Variants in LSAMP observed in about 807,000 individuals in gnomAD.
LSAMP encodes limbic system associated membrane protein.
In LSAMP, 7 loss-of-function variants were observed where a neutral mutation model predicts 38.6. The observed-to-expected ratio is 0.18, with a 90% CI of 0.10 to 0.34. The LOEUF (loss-of-function observed/expected upper bound fraction) is 0.34, where lower values mean the gene tolerates loss of function less well. Ranked by LOEUF, LSAMP falls within the 10% of genes least tolerant of loss-of-function variation. The probability of loss-of-function intolerance (pLI) is 1.00; values close to 1 mark genes in which losing one functional copy is unlikely to be tolerated. For missense variants in LSAMP, 313 were observed against 420.0 expected, an observed-to-expected ratio of 0.75 and a Z score of 2.23; for synonymous variants, 154 against 166.8, an observed-to-expected ratio of 0.92 and a Z score of 0.59.
intron 1 of LSAMP, among the ~76,000 whole-genome samples, chr3:116,381,067 T>C (rs1343610007): frequency 6.6e-6 from 1 of 152,092 alleles, no homozygotes; most frequent in Non-Finnish European, 1.5e-5. Flanking sequence ...AAGAGGTATT[T>C]ATTTTAAAAG....
intron 2 of LSAMP, among the ~76,000 whole-genome samples, chr3:116,070,128 T>C (rs754217845): frequency 6.6e-6 from 1 of 152,170 alleles, no homozygotes; most frequent in Non-Finnish European, 1.5e-5. Context: ...TTATTCATAG[T>C]GTGCTTAAAT....
At chr3:116,216,636 G>A (rs1381388960) in intron 1 of LSAMP, among the ~76,000 whole-genome samples, 1 of 151,454 alleles carries the variant, frequency 6.6e-6, no homozygotes, top group Non-Finnish European at 1.5e-5. Flanking sequence ...AACTGTTTAG[G>A]AAAAAAAACT....
At chr3:116,234,835 C>G (rs2107632002) in intron 1 of LSAMP, among the ~76,000 whole-genome samples, 1 of 152,090 alleles carries the variant, frequency 6.6e-6, no homozygotes, top group South Asian at 2.1e-4. Flanking sequence ...AATGTACCTC[C>G]CAAAATTATA....
intron 1 of LSAMP, among the ~76,000 whole-genome samples, chr3:116,152,311 T>G (rs1709631083): frequency 6.6e-6 from 1 of 152,148 alleles, no homozygotes; most frequent in Non-Finnish European, 1.5e-5. Context: ...TCATTTCTGA[T>G]AATCACCTAA....
intron 3 of LSAMP, among the ~76,000 whole-genome samples, chr3:115,855,767 G>T (rs890564416): frequency 1.3e-5 from 2 of 152,016 alleles, no homozygotes; most frequent in African/African-American, 4.8e-5. Flanking sequence ...TCAACCCAAG[G>T]GTCCTGCCAA....
intron 1 of LSAMP, among the ~76,000 whole-genome samples, chr3:116,403,148 T>C (rs1292614583): frequency 1.3e-5 from 2 of 152,214 alleles, no homozygotes; most frequent in African/African-American, 4.8e-5. Flanking sequence ...GTGGATTTTT[T>C]GAAAGTGAAA....
At chr3:115,938,050 T>A (rs753763639) in intron 3 of LSAMP, among the ~76,000 whole-genome samples, 12 of 152,224 alleles carry the variant, frequency 7.9e-5, no homozygotes, top group Non-Finnish European at 1.2e-4. Flanking sequence ...AGTACTCTTG[T>A]ATTGAATGTG....
intron 1 of LSAMP, among the ~76,000 whole-genome samples, chr3:116,353,480 C>G (rs756923086): frequency 6.6e-6 from 1 of 152,070 alleles, no homozygotes; most frequent in Non-Finnish European, 1.5e-5. Flanking sequence ...CCATGCACTT[C>G]TTGAAGACAG....
chr3:115,859,639 A>G (rs370889808), intron 3 of LSAMP, among the ~76,000 whole-genome samples: 1 of 152,230 alleles, frequency 6.6e-6, no homozygotes, highest in Non-Finnish European at 1.5e-5. Flanking sequence ...TGACAAGAAC[A>G]ATGCCAGGGA....
chr3:116,261,139 G>A (rs995886439), intron 1 of LSAMP, among the ~76,000 whole-genome samples: 21 of 152,220 alleles, frequency 1.4e-4, no homozygotes, highest in Non-Finnish European at 5.9e-5. Context: ...TATAGCACTC[G>A]TAGATAGTGA....
intron 1 of LSAMP, among the ~76,000 whole-genome samples, chr3:116,239,846 A>AT (rs1192266971): frequency 6.6e-6 from 1 of 152,022 alleles, no homozygotes; most frequent in Non-Finnish European, 1.5e-5. Flanking sequence ...GGGTAGATCA[A>AT]TTTTTTATTG....
At chr3:116,221,851 G>GTA (rs2046289946) in intron 1 of LSAMP, among the ~76,000 whole-genome samples, 1 of 150,964 alleles carries the variant, frequency 6.6e-6, no homozygotes, top group Non-Finnish European at 1.5e-5. Flanking sequence ...AGAAGTGTGT[G>GTA]TGTGTGTGTG....
intron 1 of LSAMP, among the ~76,000 whole-genome samples, chr3:116,310,983 C>T (rs2047551219): frequency 6.7e-6 from 1 of 150,114 alleles, no homozygotes; most frequent in Non-Finnish European, 1.5e-5. Context: ...ACTAGGTTAC[C>T]TGAAAGATCA....
At chr3:116,415,630 G>A (rs1576206895) in intron 1 of LSAMP, among the ~76,000 whole-genome samples, 1 of 152,096 alleles carries the variant, frequency 6.6e-6, no homozygotes, top group Admixed American at 6.6e-5. Flanking sequence ...CTCAAGTTAG[G>A]TGTATAGATG....
At chr3:115,975,507 T>A (rs930783306) in intron 3 of LSAMP, among the ~76,000 whole-genome samples, 1 of 152,136 alleles carries the variant, frequency 6.6e-6, no homozygotes, top group African/African-American at 2.4e-5. Flanking sequence ...TTCTGAGAAA[T>A]CAGTTTCAAT....
intron 2 of LSAMP, among the ~76,000 whole-genome samples, chr3:116,080,166 C>T (rs998230829): frequency 6.6e-6 from 1 of 152,164 alleles, no homozygotes; most frequent in African/African-American, 2.4e-5. Flanking sequence ...TCCACATCTT[C>T]CTAATAACTC....
At chr3:116,073,907 C>T (rs1262874074) in intron 2 of LSAMP, among the ~76,000 whole-genome samples, 2 of 152,142 alleles carry the variant, frequency 1.3e-5, no homozygotes, top group Non-Finnish European at 2.9e-5. Flanking sequence ...CAACCCACAT[C>T]ACTGGGAAGA....
chr3:116,148,802 T>C (rs990499805), intron 1 of LSAMP, among the ~76,000 whole-genome samples: 1 of 152,040 alleles, frequency 6.6e-6, no homozygotes, highest in Non-Finnish European at 1.5e-5. Context: ...TCAGTAACAA[T>C]ATTGGACAAT....
At chr3:116,152,452 C>T (rs1033163012) in intron 1 of LSAMP, among the ~76,000 whole-genome samples, 1 of 152,070 alleles carries the variant, frequency 6.6e-6, no homozygotes, top group African/African-American at 2.4e-5. Flanking sequence ...GGTTTCACTG[C>T]CTGTACTGTT....
Sources: gnomAD v4.1 joint callset for allele counts (sites outside exome capture counted in the v4.1 genomes callset) on GRCh38, gnomAD v4.1.1 for gene constraint, MANE v1.5 for transcripts, NCBI Gene and HGNC (gene_info 2026-07-23, HGNC 2026-07-21) for gene names.